COL5A1: variants seen among roughly 807,000 people sequenced by gnomAD.
COL5A1 encodes collagen type V alpha 1 chain.
COL5A1 carries 16 observed loss-of-function variants against 263.7 expected under a neutral mutation model. That is an observed-to-expected ratio of 0.06 (90% confidence interval 0.04 to 0.09). The LOEUF is 0.09. Among genes scored for constraint, COL5A1 ranks in the 10% least tolerant of loss-of-function variants. COL5A1 has a pLI of 1.00. For synonymous variants in COL5A1, 1,012 were observed against 1,004.5 expected (o/e 1.01, Z -0.14); for missense variants, 2,036 against 2,540.5 (o/e 0.80, Z 4.27).
intron 37 of COL5A1, among the ~76,000 whole-genome samples, chr9:134,798,935 A>G (rs1484645005): frequency 6.6e-6 from 1 of 152,222 alleles, no homozygotes; most frequent in Non-Finnish European, 1.5e-5. Context: ...CAATACTTCA[A>G]GAGGGCGGCT....
chr9:134,709,314 T>TG (rs71505312), intron 4 of COL5A1: 189,395 of 240,200 alleles, frequency 0.79, 75,916 homozygotes, highest in Admixed American at 0.86. Context: ...TGAGGAGGGG[T>TG]GGGGGGGCTA....
intron 28 of COL5A1, among the ~76,000 whole-genome samples, chr9:134,780,669 T>A (rs955587923): frequency 3.3e-5 from 5 of 152,228 alleles, no homozygotes; most frequent in African/African-American, 1.2e-4. Context: ...AGCAGATCAC[T>A]GTGGTGAAGA....
At chr9:134,651,954 A>G (rs185587982) in intron 1 of COL5A1, among the ~76,000 whole-genome samples, 1 of 152,248 alleles carries the variant, frequency 6.6e-6, no homozygotes, top group African/African-American at 2.4e-5. Context: ...GTGAGGAGAA[A>G]GTGTCCCGTG....
At chr9:134,673,659 A>G (rs1414756147) in intron 1 of COL5A1, among the ~76,000 whole-genome samples, 1 of 152,218 alleles carries the variant, frequency 6.6e-6, no homozygotes, top group Non-Finnish European at 1.5e-5. Context: ...GAGTTAGGCA[A>G]AGATTTCTTA....
rs184551232 is a variant in COL5A1 at position 134,697,926 on chromosome 9, A to C, written c.278-1983A>C. Among the ~76,000 whole-genome samples the C allele has an allele frequency of 1.3e-3, 196 of 152,302 alleles. 1 individual carries two copies. The highest frequency in any genetic ancestry group is 4.2e-3 in the African/African-American group (174 of 41,558). On this transcript the variant is annotated intron_variant, in intron 2 of 65. Transcript: ENST00000371817. The stretch of plus-strand genomic sequence containing the variant: ...TGGTGAAACCCCGTCTCTACCAAAA[A>C]TACAAAAATTAATCAGGCGTGGTGG...
intron 1 of COL5A1, among the ~76,000 whole-genome samples, chr9:134,651,693 G>A (rs1257867683): frequency 4.6e-5 from 7 of 152,148 alleles, no homozygotes; most frequent in Non-Finnish European, 1.0e-4. Context: ...GGGAGAGCCG[G>A]CCCGTTGCCC....
intron 11 of COL5A1, among the ~76,000 whole-genome samples, chr9:134,739,477 C>A (rs182439038): frequency 2.0e-5 from 3 of 152,166 alleles, no homozygotes; most frequent in Non-Finnish European, 4.4e-5. Flanking sequence ...TGCGGGTGTT[C>A]GCGGGTGTTC....
At chr9:134,806,069 G>A in intron 41 of COL5A1, 120 bp from the exon 42 acceptor site, 1 of 760,874 alleles carries the variant, frequency 1.3e-6, no homozygotes, top group Non-Finnish European at 2.3e-6. Context: ...AAGGGCCATA[G>A]GGAGCCACTG....
chr9:134,783,168 C>T (rs1050462733), intron 29 of COL5A1, among the ~76,000 whole-genome samples: 5 of 152,252 alleles, frequency 3.3e-5, no homozygotes, highest in African/African-American at 1.2e-4. Flanking sequence ...CAGGGCAGCA[C>T]GCGACGTGGG....
At chr9:134,764,798 C>G (rs1269347228) in intron 20 of COL5A1, among the ~76,000 whole-genome samples, 2 of 152,156 alleles carry the variant, frequency 1.3e-5, no homozygotes, top group Non-Finnish European at 2.9e-5. Context: ...CCACTCTCTC[C>G]TTAACACATG....
intron 1 of COL5A1, among the ~76,000 whole-genome samples, chr9:134,658,530 TC>T (rs1832096877): frequency 6.6e-6 from 1 of 151,896 alleles, no homozygotes; most frequent in Admixed American, 6.6e-5. Flanking sequence ...CGCTCCCACC[TC>T]CCCTTCCTGC....
At chr9:134,715,149 G>A (rs148524648) in intron 4 of COL5A1, among the ~76,000 whole-genome samples, 1,989 of 152,166 alleles carry the variant, frequency 0.013, 41 homozygotes, top group African/African-American at 0.045. Context: ...GGGGGATGTG[G>A]CAGGACAATA....
intron 1 of COL5A1, among the ~76,000 whole-genome samples, chr9:134,645,871 C>T (rs999230738): frequency 4.6e-5 from 7 of 152,236 alleles, no homozygotes; most frequent in African/African-American, 1.7e-4. Flanking sequence ...CCAGTCCAAA[C>T]AGGGTCCTGG....
At chr9:134,816,011 C>G in intron 52 of COL5A1, 23 bp downstream of exon 52, 1 of 1,613,334 alleles carries the variant, frequency 6.2e-7, no homozygotes, top group South Asian at 1.1e-5. Flanking sequence ...TCTGGGCTGG[C>G]TTCCTGGTGG....
intron 64 of COL5A1, among the ~76,000 whole-genome samples, chr9:134,832,022 T>TG (rs1340655778): frequency 6.6e-6 from 1 of 152,188 alleles, no homozygotes; most frequent in African/African-American, 2.4e-5. Context: ...CCCAGCACTT[T>TG]GGGAGGCTCA....
chr9:134,780,741 G>A lies in COL5A1; in HGVS notation c.2430+595G>A, dbSNP rs553209060. 5.9e-5 allele frequency among the ~76,000 whole-genome samples: 9 copies of A among 152,350 alleles called. No homozygotes were observed. The South Asian group carries it at 1.9e-3, about 32-fold the overall frequency. On this transcript the variant is annotated intron_variant, in intron 28 of 65. Coordinates refer to ENST00000371817, the MANE Select transcript of COL5A1 (RefSeq NM_000093.5). ...GTCAGAAGCTTGGGTGCAGCCTGCA[G>A]CGGCGACAGCCTGAGCCACATGGAG...
chr9:134,798,864 T>C (rs945945319), intron 37 of COL5A1, among the ~76,000 whole-genome samples: 6 of 152,334 alleles, frequency 3.9e-5, no homozygotes, highest in African/African-American at 1.4e-4. Context: ...CGTCTTTTAA[T>C]TGAGAAAGTG....
chr9:134,832,832 G>A (rs1243562208), intron 64 of COL5A1: 1 of 152,282 alleles, frequency 6.6e-6, no homozygotes, highest in African/African-American at 2.4e-5. Flanking sequence ...CCCCTGGGAA[G>A]GCCCAGGCCC....
At chr9:134,799,718 A>G (rs987545137) in intron 37 of COL5A1, among the ~76,000 whole-genome samples, 15 of 152,240 alleles carry the variant, frequency 9.9e-5, no homozygotes, top group African/African-American at 2.2e-4. Flanking sequence ...TGCACGGCGC[A>G]TGCTGCCTGA....
Sources: allele counts gnomAD v4.1 joint callset (sites outside exome capture counted in the v4.1 genomes callset), GRCh38; gene constraint gnomAD v4.1.1; transcripts MANE v1.5; gene names NCBI Gene and HGNC (gene_info 2026-07-23, HGNC 2026-07-21).